The following TBK1 variants were observed in gnomAD, a reference collection of about 807,000 sequenced individuals.
TBK1 encodes serine/threonine-protein kinase TBK1.
TBK1 carries 37 observed loss-of-function variants against 99.9 expected under a neutral mutation model. That is an observed-to-expected ratio of 0.37 (90% CI 0.28 to 0.49). The LOEUF (loss-of-function observed/expected upper bound fraction) is 0.49. Among genes scored for constraint, TBK1 ranks in the 20% least tolerant of loss-of-function variants. TBK1 has a pLI of 0.98. For missense variants in TBK1, 644 were observed against 872.5 expected, an observed-to-expected ratio of 0.74 and a Z score of 3.30; for synonymous variants, 258 against 279.8, an observed-to-expected ratio of 0.92 and a Z score of 0.78.
intron 5 of TBK1, among the ~76,000 whole-genome samples, chr12:64,471,347 CTA>C (rs140721700): frequency 1.4e-5 from 2 of 146,944 alleles, no homozygotes; most frequent in Non-Finnish European, 3.0e-5. Context: ...ATTTTTGTGT[CTA>C]TATATATATA....
chr12:64,452,878 C>T (rs2040442807), intron 1 of TBK1: 1 of 152,190 alleles, frequency 6.6e-6, no homozygotes, highest in Non-Finnish European at 1.5e-5. Flanking sequence ...AAGTAATTGC[C>T]AAATGTATAA....
In TBK1 at chr12:64,500,753, CTT is replaced by C. The variant is rs1009756107; in HGVS notation, c.2139-555_2139-554del. ...GTATGTCACACTCCCAACTCGGTAT[CTT>C]TTTTTTTTTTTTTTTTTTTTTGAGA... On this transcript the variant is annotated intron_variant, in intron 20 of 20. Coordinates refer to ENST00000331710, the MANE Select transcript of TBK1 (RefSeq NM_013254.4). Among the ~76,000 whole-genome samples, 10 of 98,960 alleles carry C rather than the reference CTT, an allele frequency of 1.0e-4. No individual in the cohort carries two copies. The East Asian group carries it at 1.2e-3, about 12-fold the overall frequency. The allele number at this position is 98,960 out of a possible 152,430, so 64.9% of individuals were successfully genotyped here.
intron 2 of TBK1, among the ~76,000 whole-genome samples, chr12:64,457,984 G>A (rs549289007): frequency 6.6e-6 from 1 of 152,152 alleles, no homozygotes; most frequent in South Asian, 2.1e-4. Context: ...GGTGGCTCAC[G>A]CCTGTAATCC....
chr12:64,463,104 A>G lies in TBK1; in HGVS notation c.229-1230A>G, dbSNP rs574686444. Among the ~76,000 whole-genome samples the G allele has an allele frequency of 4.6e-5, 7 of 152,156 alleles. No homozygotes were observed. The East Asian group carries it at 7.7e-4, about 17-fold the overall frequency. On this transcript the variant is annotated intron_variant, in intron 3 of 20. Coordinates refer to ENST00000331710, the MANE Select transcript of TBK1 (RefSeq NM_013254.4). ...TAAGAAATTCAGCACTGGTGTGGTG[A>G]CTCACGCCTGTAATCCCAGCACTTT...
chr12:64,489,397 A>G (rs2040847508), intron 12 of TBK1, among the ~76,000 whole-genome samples: 3 of 152,262 alleles, frequency 2.0e-5, no homozygotes, highest in Admixed American at 2.0e-4. Context: ...AAATGAAATC[A>G]GTATTCACTA....
chr12:64,489,979 A>G, intron 12 of TBK1, 62 bp from the exon 13 acceptor site: 1 of 988,344 alleles, frequency 1.0e-6, no homozygotes, highest in Non-Finnish European at 1.5e-6. Flanking sequence ...TTTATAAAAC[A>G]TCTTTTTAAA....
At position 64,464,382 on chromosome 12, in the gene TBK1, A is replaced by T; in HGVS notation, c.277A>T (p.Ser93Cys). The change falls in exon 4 of 21, where the codon AGT (serine) becomes TGT (cysteine). Residue 93 changes from serine to cysteine, a missense_variant. Transcript: ENST00000331710. ...TATTATGGAATTTTGTCCATGTGGG[A>T]GTTTATACACTGTTTTAGAAGAACC... ...VLIMEFCPCGSLYTVLEEPSN... is the reference protein window; with the variant it reads ...VLIMEFCPCGCLYTVLEEPSN... 6.2e-7 allele frequency: 1 copy of T among 1,606,904 alleles called. No homozygotes were observed. The highest frequency in any genetic ancestry group is 8.5e-7 in the Non-Finnish European group (1 of 1,176,922).
intron 1 of TBK1, among the ~76,000 whole-genome samples, chr12:64,453,427 C>T (rs1304538396): frequency 6.6e-6 from 1 of 152,114 alleles, no homozygotes; most frequent in African/African-American, 2.4e-5. Context: ...AATGTAATGA[C>T]TGGCAAATGT....
chr12:64,481,788 C>T, intron 7 of TBK1, 54 bp from the exon 8 acceptor site: 1 of 1,258,756 alleles, frequency 7.9e-7, no homozygotes, highest in Non-Finnish European at 1.0e-6. Context: ...ATTTTTTAAC[C>T]TAGACAGAAT....
At chr12:64,487,017 A>G (rs2040826910) in intron 11 of TBK1, among the ~76,000 whole-genome samples, 1 of 152,214 alleles carries the variant, frequency 6.6e-6, no homozygotes, top group African/African-American at 2.4e-5. Context: ...TTTTAAAACT[A>G]GATCGCTTAA....
intron 10 of TBK1, 47 bp from the exon 11 acceptor site, chr12:64,485,879 C>G (rs1178640377): frequency 1.4e-6 from 2 of 1,401,312 alleles, no homozygotes; most frequent in East Asian, 5.1e-5. Context: ...TTTTCTTACC[C>G]TATACCACAA....
intron 13 of TBK1, among the ~76,000 whole-genome samples, chr12:64,494,537 AGTTGGGAAAATG>A (rs903983767): frequency 2.0e-5 from 3 of 152,110 alleles, no homozygotes; most frequent in Non-Finnish European, 4.4e-5. Flanking sequence ...AATGCAAATA[AGTTGGGAAAATG>A]TGATAAAGGG....
intron 13 of TBK1, among the ~76,000 whole-genome samples, chr12:64,494,791 AAG>A (rs2040908985): frequency 6.6e-6 from 1 of 152,234 alleles, no homozygotes; most frequent in African/African-American, 2.4e-5. Context: ...CAGTGCTGAC[AAG>A]AGTGTGGTTT....
At chr12:64,452,824 C>T (rs980149701) in intron 1 of TBK1, 2 of 152,184 alleles carry the variant, frequency 1.3e-5, no homozygotes, top group African/African-American at 4.8e-5. Context: ...AATTTGTAAT[C>T]TCTATCCCAA....
rs770226017 is a variant in TBK1 at position 64,484,516 on chromosome 12, C to T, written c.1189+17C>T. On this transcript the variant is annotated intron_variant, in intron 9 of 20. Coordinates refer to ENST00000331710, the MANE Select transcript of TBK1 (RefSeq NM_013254.4). ...ATGAAAAAAGTAAGTTGGGATTTTTCTTGTCGTTCTTACTAGCCATTAGAA... is the reference window on the plus strand; with the variant it reads ...ATGAAAAAAGTAAGTTGGGATTTTTTTTGTCGTTCTTACTAGCCATTAGAA... 7 of 1,590,368 alleles carry T rather than the reference C, an allele frequency of 4.4e-6. No homozygotes were observed. The highest frequency in any genetic ancestry group is 1.8e-5 in the Admixed American group (1 of 55,222).
At position 64,493,153 on chromosome 12, in the gene TBK1, C is replaced by A. The variant is rs1018930563; in HGVS notation, c.1522-2330C>A. Among the ~76,000 whole-genome samples the A allele has an allele frequency of 2.0e-5, 3 of 152,182 alleles. No individual in the cohort carries two copies. The South Asian group carries it at 6.2e-4, about 32-fold the overall frequency. On this transcript the variant is annotated intron_variant, in intron 13 of 20. Coordinates refer to ENST00000331710, the MANE Select transcript of TBK1 (RefSeq NM_013254.4). ...TCATGATCTGCCCACGTCGGCCTCC[C>A]AAAGTGCTGGGATTACAGGCGTGAG...
rs779995647 is a variant in TBK1 at position 64,484,485 on chromosome 12, T to C, written c.1175T>C (p.Leu392Ser). Residue 392 changes from leucine (L) to serine (S), a missense_variant, in exon 9 of 21, where the codon TTA becomes TCA. Around this residue, in one of 3 missense-constraint regions of TBK1, gnomAD observed 465 missense variants for 588.0 expected, o/e 0.79. Coordinates refer to ENST00000331710, the MANE Select transcript of TBK1 (RefSeq NM_013254.4). ...CGGGAACCTCTGAATACCATAGGATTAATATATGAAAAAAGTAAGTTGGGA... is the reference window on the plus strand; with the variant it reads ...CGGGAACCTCTGAATACCATAGGATCAATATATGAAAAAAGTAAGTTGGGA... ...VSREPLNTIG[L>S]IYEKISLPKV... The C allele has an allele frequency of 6.3e-7, 1 of 1,593,988 alleles. No homozygotes were observed. Among genetic ancestry groups the C allele is most frequent in the Non-Finnish European group, 8.5e-7 (1 of 1,173,846 alleles).
At chr12:64,460,848 A>AG (rs1292900754) in intron 3 of TBK1, among the ~76,000 whole-genome samples, 2 of 151,584 alleles carry the variant, frequency 1.3e-5, no homozygotes, top group Non-Finnish European at 2.9e-5. Context: ...AAAAAAAAAA[A>AG]AAAGAAAGGA....
At chr12:64,466,388 A>G (rs2040604748) in intron 4 of TBK1, among the ~76,000 whole-genome samples, 1 of 152,190 alleles carries the variant, frequency 6.6e-6, no homozygotes, top group African/African-American at 2.4e-5. Context: ...AATAGTGCCA[A>G]GCATATGAGA....
Sources: gnomAD v4.1 joint callset for allele counts (sites outside exome capture counted in the v4.1 genomes callset) on GRCh38, gnomAD v4.1.1 for gene constraint, gnomAD v4.1.1 regional missense constraint, MANE v1.5 for transcripts, NCBI Gene and HGNC (gene_info 2026-07-23, HGNC 2026-07-21) for gene names.